C9orf152: variants seen among roughly 807,000 people sequenced by gnomAD.
The protein encoded by C9orf152 is chromosome 9 open reading frame 152.
C9orf152 carries 8 observed loss-of-function variants against 8.5 expected under a neutral mutation model. That is an observed-to-expected ratio of 0.94 (90% confidence interval 0.55 to 1.70). The LOEUF (loss-of-function observed/expected upper bound fraction) is 1.70. Ranked by LOEUF, C9orf152 falls within the 40% of genes most tolerant of loss-of-function variation. The pLI, the probability that C9orf152 is intolerant of heterozygous loss-of-function variation, is 0.00. For missense variants in C9orf152, 293 were observed against 286.2 expected (o/e 1.02, Z -0.17); for synonymous variants, 109 against 113.0 (o/e 0.96, Z 0.22).
intron 1 of C9orf152, among the ~76,000 whole-genome samples, chr9:110,204,136 C>T (rs148546486): frequency 5.3e-5 from 8 of 152,256 alleles, no homozygotes; most frequent in East Asian, 1.9e-4. Context: ...ATATAAGTCC[C>T]GACCCTAATC....
intron 1 of C9orf152, among the ~76,000 whole-genome samples, chr9:110,202,558 A>G (rs546038232): frequency 1.3e-5 from 2 of 152,296 alleles, no homozygotes; most frequent in South Asian, 4.2e-4. Context: ...AGGGTGAAAG[A>G]GGCAGACCAA....
chr9:110,203,270 G>C (rs547792164), intron 1 of C9orf152, among the ~76,000 whole-genome samples: 1 of 152,132 alleles, frequency 6.6e-6, no homozygotes, highest in South Asian at 2.1e-4. Context: ...TGATCCGCCC[G>C]CCTCGGCCTC....
chr9:110,200,887 T>C lies in C9orf152; in HGVS notation c.*61A>G. On this transcript the variant is annotated 3_prime_UTR_variant, in exon 2 of 2. Transcript: ENST00000400613. The stretch of plus-strand genomic sequence containing the variant: ...AGACCTCGTTGTGGCTCTGCCTCCT[T>C]GGTTCTTCTATAAGGCCATAGGTGG... 3 of 1,502,518 alleles carry C rather than the reference T, an allele frequency of 2.0e-6. No homozygotes were observed. Among genetic ancestry groups the C allele is most frequent in the Non-Finnish European group, 2.7e-6 (3 of 1,120,182 alleles). 93.1% of individuals were successfully genotyped at this position (1,502,518 alleles called of 1,614,324 possible). A position where few individuals can be genotyped will look rare whatever the true frequency, so the allele number is the denominator to read the frequency against.
Position 110,201,211 on chromosome 9 carries a change from G to C in C9orf152, c.457C>G (p.Pro153Ala). Residue 153 changes from proline to alanine, a missense_variant, in exon 2 of 2, where the codon CCT becomes GCT. Physicochemically the swap from Pro to Ala is conservative, Grantham distance 27. Coordinates refer to ENST00000400613, the MANE Select transcript of C9orf152 (RefSeq NM_001012993.3). ...TCAAACAAGTGTGTGTCTCCTTCAG[G>C]AGGGAGCCTTTGATCAGATCCCACA... Reference protein sequence around the residue: ...KLVGSDQRLPPEGDTHLFETN... With the variant: ...KLVGSDQRLPAEGDTHLFETN... 1 of 1,614,182 alleles carries C rather than the reference G, an allele frequency of 6.2e-7. No homozygotes were observed. The highest frequency in any genetic ancestry group is 8.5e-7 in the Non-Finnish European group (1 of 1,180,028).
rs556184841 is a variant in C9orf152 at position 110,207,682 on chromosome 9, G to A, written c.-103C>T. ...GGAGAAGGAGAAGTGACGGGCAAAA[G>A]GAGGGTGGAAAGAGGAGTGGGACTG... On this transcript the variant is annotated 5_prime_UTR_variant, in exon 1 of 2. Coordinates refer to ENST00000400613, the MANE Select transcript of C9orf152 (RefSeq NM_001012993.3). 2 of 851,912 alleles carry A rather than the reference G, an allele frequency of 2.3e-6. No homozygotes were observed. Among genetic ancestry groups the A allele is most frequent in the Admixed American group, 3.3e-5 (1 of 30,172 alleles). 52.8% of individuals were successfully genotyped at this position (851,912 alleles called of 1,614,324 possible). A position where few individuals can be genotyped will look rare whatever the true frequency, so the allele number is the denominator to read the frequency against.
chr9:110,199,575 T>C lies in C9orf152; in HGVS notation c.*1373A>G, dbSNP rs1837187797. 1 of 152,166 alleles carries C rather than the reference T, an allele frequency of 6.6e-6. No individual in the cohort carries two copies. The highest frequency in any genetic ancestry group is 1.5e-5 in the Non-Finnish European group (1 of 68,018). 9.4% of individuals were successfully genotyped at this position (152,166 alleles called of 1,614,324 possible). Reference sequence around the variant, plus strand: ...CAAAGGACAAATTTTTTTGAGAAAATTTCCTTTTTTATTAGAATATTTAAA... The same window carrying C: ...CAAAGGACAAATTTTTTTGAGAAAACTTCCTTTTTTATTAGAATATTTAAA... On this transcript the variant is annotated 3_prime_UTR_variant, in exon 2 of 2. Transcript: ENST00000400613.
intron 1 of C9orf152, among the ~76,000 whole-genome samples, chr9:110,206,448 T>C (rs1564358535): frequency 1.3e-5 from 2 of 152,228 alleles, no homozygotes; most frequent in Non-Finnish European, 2.9e-5. Flanking sequence ...TTAGGAACCT[T>C]TCAGTTTATG....
intron 1 of C9orf152, among the ~76,000 whole-genome samples, chr9:110,202,966 G>A (rs903409426): frequency 6.0e-5 from 9 of 151,066 alleles, no homozygotes; most frequent in Admixed American, 1.3e-4. Flanking sequence ...CTTTGTAACT[G>A]GTTAATTCCT....
Position 110,201,053 on chromosome 9 carries a change from C to T in C9orf152, c.615G>A (p.Lys205=), listed in dbSNP as rs1837211189. The change falls in exon 2 of 2, where the codon AAG becomes AAA. Residue 205 remains lysine (K), a synonymous_variant. Coordinates refer to ENST00000400613, the MANE Select transcript of C9orf152 (RefSeq NM_001012993.3). ...CTGGTTTGCCAGACCTGTGTGGGTTCTTTATGGAAAGAGGACATTGAGTGC... is the reference window on the plus strand; with the variant it reads ...CTGGTTTGCCAGACCTGTGTGGGTTTTTTATGGAAAGAGGACATTGAGTGC... ...KFSTQCPLSI[K]NPHRSGKPAY... 3 of 1,614,078 alleles carry T rather than the reference C, an allele frequency of 1.9e-6. No homozygotes were observed.
intron 1 of C9orf152, among the ~76,000 whole-genome samples, chr9:110,203,586 T>C (rs1232164736): frequency 6.6e-6 from 1 of 152,228 alleles, no homozygotes; most frequent in East Asian, 1.9e-4. Context: ...GGCAGTACCC[T>C]GCACATCTTG....
chr9:110,207,295 G>T, intron 1 of C9orf152, 92 bp downstream of exon 1: 1 of 1,413,538 alleles, frequency 7.1e-7, no homozygotes. Context: ...GGGAGGGAGG[G>T]CTGGCAAAGC....
chr9:110,200,814 T>G lies in C9orf152; in HGVS notation c.*134A>C. On this transcript the variant is annotated 3_prime_UTR_variant, in exon 2 of 2. Coordinates refer to ENST00000400613, the MANE Select transcript of C9orf152 (RefSeq NM_001012993.3). ...CCATGTTACCATTGTGAAGTTCGTC[T>G]CCCACAATTCCTATAATTAGGTTAG... 1 of 903,386 alleles carries G rather than the reference T, an allele frequency of 1.1e-6. No homozygotes were observed. The highest frequency in any genetic ancestry group is 1.7e-6 in the Non-Finnish European group (1 of 590,178). The allele number at this position is 903,386 out of a possible 1,614,324, so 56.0% of individuals were successfully genotyped here.
intron 1 of C9orf152, among the ~76,000 whole-genome samples, 198 bp from the exon 2 acceptor site, chr9:110,201,672 T>C (rs1420791401): frequency 6.6e-6 from 1 of 152,124 alleles, no homozygotes; most frequent in East Asian, 1.9e-4. Flanking sequence ...CACCCATATA[T>C]ACTCACACAC....
At chr9:110,207,113 G>A (rs544229622) in intron 1 of C9orf152, among the ~76,000 whole-genome samples, 1 of 152,342 alleles carries the variant, frequency 6.6e-6, no homozygotes, top group South Asian at 2.1e-4. Flanking sequence ...GGGCTAGCAG[G>A]GGGGCCAAGC....
chr9:110,207,584 A>ATCC lies in C9orf152; in HGVS notation c.-8_-6dup, dbSNP rs1564358888. On this transcript the variant is annotated 5_prime_UTR_variant, in exon 1 of 2. Transcript: ENST00000400613. ...CGGGCAGGGCAACCCCTCCATCCGG[A>ATCC]TCCGGGAGAAAAGCAAACACAGCTG... The ATCC allele has an allele frequency of 6.4e-7, 1 of 1,574,040 alleles. No homozygotes were observed. The highest frequency in any genetic ancestry group is 8.6e-7 in the Non-Finnish European group (1 of 1,163,446).
At position 110,207,479 on chromosome 9, in the gene C9orf152, C is replaced by T. The variant is rs772577112; in HGVS notation, c.101G>A (p.Gly34Glu). 14 of 1,613,524 alleles carry T rather than the reference C, an allele frequency of 8.7e-6. No homozygotes were observed. Among genetic ancestry groups the T allele is most frequent in the Non-Finnish European group, 8.5e-6 (10 of 1,179,778 alleles). ...CAGGAACTGGATGCTGAGTGGGGGC[C>T]CTTTCCCAGGGGCCTGAGTCCTGGA... is the stretch of plus-strand genomic sequence containing the variant. ...EGSRTQAPGKGPPLSIQFLRA... is the reference protein window; with the variant it reads ...EGSRTQAPGKEPPLSIQFLRA... Residue 34 changes from glycine to glutamate, a missense_variant, in exon 1 of 2, where the codon GGG (glycine) becomes GAG (glutamate). Transcript: ENST00000400613.
chr9:110,201,066 GGACATTGAGTGCTGAATTTTAAGCCA>G lies in C9orf152; in HGVS notation c.576_601del (p.Gly193SerfsTer57). On this transcript the variant is annotated frameshift_variant, in exon 2 of 2. Coordinates refer to ENST00000400613, the MANE Select transcript of C9orf152 (RefSeq NM_001012993.3). LOFTEE classifies it high-confidence loss of function. ...CCTGTGTGGGTTCTTTATGGAAAGA[GGACATTGAGTGCTGAATTTTAAGCCA>G]GATTCCACTGCCTTTGTTTGGGTAT... 6.2e-7 allele frequency: 1 copy of G among 1,614,236 alleles called. No homozygotes were observed. Among genetic ancestry groups the G allele is most frequent in the Non-Finnish European group, 8.5e-7 (1 of 1,180,048 alleles).
At position 110,200,884 on chromosome 9, in the gene C9orf152, C is replaced by T. The variant is rs1486887188; in HGVS notation, c.*64G>A. 3 of 1,494,870 alleles carry T rather than the reference C, an allele frequency of 2.0e-6. No homozygotes were observed. The highest frequency in any genetic ancestry group is 2.3e-5 in the East Asian group (1 of 44,206). The allele number at this position is 1,494,870 out of a possible 1,614,324, so 92.6% of individuals were successfully genotyped here. On this transcript the variant is annotated 3_prime_UTR_variant, in exon 2 of 2. Transcript: ENST00000400613. ...TAGAGACCTCGTTGTGGCTCTGCCT[C>T]CTTGGTTCTTCTATAAGGCCATAGG...
chr9:110,206,666 G>A (rs768064669), intron 1 of C9orf152, among the ~76,000 whole-genome samples: 1 of 152,204 alleles, frequency 6.6e-6, no homozygotes, highest in Non-Finnish European at 1.5e-5. Context: ...CTGGCAAAGG[G>A]CAGCCCAAAG....
Sources: allele counts gnomAD v4.1 joint callset (sites outside exome capture counted in the v4.1 genomes callset), GRCh38; gene constraint gnomAD v4.1.1; transcripts MANE v1.5; gene names NCBI Gene and HGNC (gene_info 2026-07-23, HGNC 2026-07-21).